IGFBP2: variants seen among roughly 807,000 people sequenced by gnomAD.
The protein encoded by IGFBP2 is insulin like growth factor binding protein 2, also known as insulin-like growth factor-binding protein 2.
A neutral mutation model predicts 26.2 loss-of-function variants in IGFBP2; 12 were observed. That is an observed-to-expected ratio of 0.46 (90% confidence interval 0.29 to 0.74). The LOEUF (loss-of-function observed/expected upper bound fraction) is 0.74, where lower values mean the gene tolerates loss of function less well. Ranked by LOEUF, IGFBP2 falls within the 30% of genes least tolerant of loss-of-function variation. IGFBP2 has a pLI of 0.09. For missense variants in IGFBP2, 328 were observed against 441.2 expected (o/e 0.74, Z 2.30); for synonymous variants, 189 against 200.6 (o/e 0.94, Z 0.49).
At chr2:216,663,886 A>G (rs9341218) in intron 3 of IGFBP2, 54 bp from the exon 4 acceptor site, 80,201 of 1,570,260 alleles carry the variant, frequency 0.051, 4,924 homozygotes, top group African/African-American at 0.31. Context: ...GTTGAGGGAC[A>G]GAAGGAAAGT....
intron 1 of IGFBP2, among the ~76,000 whole-genome samples, chr2:216,637,760 CTG>C (rs1697528831): frequency 6.6e-6 from 1 of 152,226 alleles, no homozygotes; most frequent in Non-Finnish European, 1.5e-5. Flanking sequence ...GCCAAGTGGA[CTG>C]TTGAGCTTCC....
intron 1 of IGFBP2, among the ~76,000 whole-genome samples, chr2:216,647,956 A>G (rs954437723): frequency 3.3e-5 from 5 of 152,186 alleles, no homozygotes; most frequent in Admixed American, 1.3e-4. Flanking sequence ...CTTTTCATCA[A>G]TGCAATCAAG....
At chr2:216,637,867 G>A (rs1697530675) in intron 1 of IGFBP2, among the ~76,000 whole-genome samples, 1 of 152,224 alleles carries the variant, frequency 6.6e-6, no homozygotes, top group Admixed American at 6.5e-5. Flanking sequence ...CATTCCTTCA[G>A]GCTCAGAGGC....
rs1227474803 is a variant in IGFBP2 at position 216,633,755 on chromosome 2, C to T, written c.232C>T (p.Leu78Phe). The T allele has an allele frequency of 1.5e-6, 2 of 1,329,178 alleles. No homozygotes were observed. Among genetic ancestry groups the T allele is most frequent in the Non-Finnish European group, 9.6e-7 (1 of 1,043,340 alleles). 82.3% of individuals were successfully genotyped at this position (1,329,178 alleles called of 1,614,324 possible). ...AGGARMPCAELVREPGCGCCS... is the reference protein window; with the variant it reads ...AGGARMPCAEFVREPGCGCCS... ...AGGCGCCCGCATGCCATGCGCGGAG[C>T]TCGTCCGGGAGCCGGGCTGCGGCTG... Residue 78 changes from leucine (L) to phenylalanine (F), a missense_variant, in exon 1 of 4, where the codon CTC becomes TTC. Leu to Phe is a conservative substitution (Grantham distance 22). Transcript: ENST00000233809.
chr2:216,645,679 C>T (rs563252979), intron 1 of IGFBP2, among the ~76,000 whole-genome samples: 61 of 152,292 alleles, frequency 4.0e-4, no homozygotes, highest in Middle Eastern at 3.4e-3. Context: ...CGCTTTTGGA[C>T]GTTTTCTGAT....
At chr2:216,652,472 C>T (rs192124386) in intron 1 of IGFBP2, among the ~76,000 whole-genome samples, 3 of 152,278 alleles carry the variant, frequency 2.0e-5, no homozygotes, top group African/African-American at 7.2e-5. Context: ...CACCGCGCCC[C>T]GCCCCTTAGC....
At chr2:216,642,896 G>C (rs1372990304) in intron 1 of IGFBP2, among the ~76,000 whole-genome samples, 1 of 152,190 alleles carries the variant, frequency 6.6e-6, no homozygotes, top group African/African-American at 2.4e-5. Flanking sequence ...GAGAATCCCT[G>C]AGGCTACATC....
At chr2:216,655,481 C>T (rs576961498) in intron 1 of IGFBP2, among the ~76,000 whole-genome samples, 260 of 152,306 alleles carry the variant, frequency 1.7e-3, no homozygotes, top group African/African-American at 5.9e-3. Context: ...CTTCCCGGAC[C>T]TTTGGCTTCT....
chr2:216,640,012 C>T (rs971765382), intron 1 of IGFBP2, among the ~76,000 whole-genome samples: 3 of 152,050 alleles, frequency 2.0e-5, no homozygotes, highest in African/African-American at 4.8e-5. Context: ...TGTATGTTCC[C>T]GACTCCCTCT....
chr2:216,639,007 A>AT (rs1208707145), intron 1 of IGFBP2, among the ~76,000 whole-genome samples: 1,408 of 115,022 alleles, frequency 0.012, 6 homozygotes, highest in African/African-American at 0.016. Flanking sequence ...GACCAGGCTA[A>AT]TTTTTTTTTT....
At chr2:216,653,746 C>T (rs1273327318) in intron 1 of IGFBP2, among the ~76,000 whole-genome samples, 1 of 152,200 alleles carries the variant, frequency 6.6e-6, no homozygotes, top group African/African-American at 2.4e-5. Context: ...AAGCCCCCGA[C>T]TAATGGCTCT....
intron 1 of IGFBP2, among the ~76,000 whole-genome samples, chr2:216,643,346 T>TTCCA (rs1260045874): frequency 6.6e-6 from 1 of 152,202 alleles, no homozygotes; most frequent in African/African-American, 2.4e-5. Flanking sequence ...TAATGTCTGA[T>TTCCA]TCCATCTGTG....
intron 1 of IGFBP2, among the ~76,000 whole-genome samples, chr2:216,634,462 T>G (rs1260825365): frequency 6.6e-6 from 1 of 152,126 alleles, no homozygotes; most frequent in Non-Finnish European, 1.5e-5. Flanking sequence ...GGCCCTTCCT[T>G]CTACTGGGGT....
In IGFBP2 at chr2:216,661,032, T is replaced by C. The variant is rs967678063; in HGVS notation, c.672+246T>C. The C allele has an allele frequency of 9.5e-5, 52 of 547,040 alleles. No homozygotes were observed. In the Middle Eastern group the frequency reaches 1.8e-3, roughly 19 times the overall value. 33.9% of individuals were successfully genotyped at this position (547,040 alleles called of 1,614,324 possible). A position where few individuals can be genotyped will look rare whatever the true frequency, so the allele number is the denominator to read the frequency against. Reference sequence around the variant, plus strand: ...CTTCTAAAACCTTCACATTTCTGTATGGTTTTGGAACATAGACACAGAAAA... The same window carrying C: ...CTTCTAAAACCTTCACATTTCTGTACGGTTTTGGAACATAGACACAGAAAA... On this transcript the variant is annotated intron_variant, in intron 2 of 3. Transcript: ENST00000233809.
chr2:216,633,831 C>A lies in IGFBP2; in HGVS notation c.308C>A (p.Pro103Gln), dbSNP rs1215948338. 3 of 1,537,254 alleles carry A rather than the reference C, an allele frequency of 2.0e-6. No homozygotes were observed. Among genetic ancestry groups the A allele is most frequent in the Non-Finnish European group, 2.6e-6 (3 of 1,147,410 alleles). Reference protein sequence around the residue: ...LEGEACGVYTPRCGQGLRCYP... With the variant: ...LEGEACGVYTQRCGQGLRCYP... ...GGCGAGGCGTGCGGCGTCTACACCC[C>A]GCGCTGCGGCCAGGGGCTGCGCTGC... Residue 103 changes from proline to glutamine, a missense_variant, in exon 1 of 4, where the codon CCG (proline) becomes CAG (glutamine). By Grantham distance (76) the Pro-to-Gln change is moderately conservative (BLOSUM62 -1). Transcript: ENST00000233809.
At chr2:216,642,149 C>T (rs1286096754) in intron 1 of IGFBP2, among the ~76,000 whole-genome samples, 1 of 149,160 alleles carries the variant, frequency 6.7e-6, no homozygotes, top group African/African-American at 2.5e-5. Context: ...TAGGCACTTG[C>T]CACCACGCCC....
At chr2:216,637,814 G>A (rs1015803612) in intron 1 of IGFBP2, among the ~76,000 whole-genome samples, 1 of 152,210 alleles carries the variant, frequency 6.6e-6, no homozygotes, top group African/African-American at 2.4e-5. Context: ...AGTTCTCACT[G>A]TTGGCCTACT....
intron 1 of IGFBP2, among the ~76,000 whole-genome samples, chr2:216,657,610 G>A (rs1318232105): frequency 6.6e-6 from 1 of 152,164 alleles, no homozygotes; most frequent in African/African-American, 2.4e-5. Context: ...GTCCCTGGGT[G>A]TCTGCTGCTC....
chr2:216,661,841 G>C lies in IGFBP2; in HGVS notation c.673-17G>C, dbSNP rs1427509222. 1 of 1,613,826 alleles carries C rather than the reference G, an allele frequency of 6.2e-7. No homozygotes were observed. The highest frequency in any genetic ancestry group is 1.3e-5 in the African/African-American group (1 of 74,942). ...GCTGTCCTCACTCCGGGCGTCCCCTGCTGTCTGTGCGTGCAGACTCCCTGC... is the reference window on the plus strand; with the variant it reads ...GCTGTCCTCACTCCGGGCGTCCCCTCCTGTCTGTGCGTGCAGACTCCCTGC... On this transcript the variant is annotated splice_polypyrimidine_tract_variant and intron_variant, in intron 2 of 3. Coordinates refer to ENST00000233809, the MANE Select transcript of IGFBP2 (RefSeq NM_000597.3).
Sources: gnomAD v4.1 joint callset for allele counts (sites outside exome capture counted in the v4.1 genomes callset) on GRCh38, gnomAD v4.1.1 for gene constraint, MANE v1.5 for transcripts, NCBI Gene and HGNC (gene_info 2026-07-23, HGNC 2026-07-21) for gene names.